Variants in TRPM3 observed in about 807,000 individuals in gnomAD.
The protein encoded by TRPM3 is transient receptor potential cation channel subfamily M member 3, also known as long transient receptor potential channel 3.
TRPM3 carries 77 observed loss-of-function variants against 181.2 expected under a neutral mutation model. The observed-to-expected ratio is 0.42, with a 90% confidence interval of 0.35 to 0.51. The LOEUF is 0.51. Among genes scored for constraint, TRPM3 ranks in the 20% least tolerant of loss-of-function variants. The pLI is 0.01. For missense variants in TRPM3, 1,759 were observed against 2,196.7 expected (o/e 0.80, Z 3.98); for synonymous variants, 745 against 796.4 (o/e 0.94, Z 1.09).
intron 1 of TRPM3, among the ~76,000 whole-genome samples, chr9:70,999,659 G>T (rs1251071872): frequency 6.6e-6 from 1 of 152,166 alleles, no homozygotes; most frequent in Non-Finnish European, 1.5e-5. Context: ...TTGGCAAGAT[G>T]GCATTTTAAG....
intron 7 of TRPM3, among the ~76,000 whole-genome samples, chr9:70,771,387 G>T (rs760691237): frequency 4.6e-5 from 7 of 152,084 alleles, no homozygotes; most frequent in African/African-American, 1.7e-4. Context: ...AGAGAATCAG[G>T]CTTCTCTTGT....
intron 1 of TRPM3, among the ~76,000 whole-genome samples, chr9:71,345,110 G>A (rs1472355090): frequency 2.0e-5 from 3 of 152,154 alleles, no homozygotes; most frequent in Non-Finnish European, 2.9e-5. Context: ...GAGAGGATGT[G>A]GAGAAATAGA....
At chr9:71,291,544 C>G (rs1243346659) in intron 1 of TRPM3, among the ~76,000 whole-genome samples, 1 of 152,046 alleles carries the variant, frequency 6.6e-6, no homozygotes, top group African/African-American at 2.4e-5. Context: ...TTAGCTGAAT[C>G]AAGCTAATCA....
At chr9:70,690,646 T>C (rs553059022) in intron 8 of TRPM3, among the ~76,000 whole-genome samples, 5 of 152,296 alleles carry the variant, frequency 3.3e-5, no homozygotes, top group Admixed American at 3.3e-4. Flanking sequence ...TAGCATAATG[T>C]TTCCTGGATG....
At chr9:71,110,166 T>C (rs772562204) in intron 1 of TRPM3, among the ~76,000 whole-genome samples, 2 of 152,064 alleles carry the variant, frequency 1.3e-5, no homozygotes, top group Non-Finnish European at 2.9e-5. Flanking sequence ...TCAAGACAAA[T>C]AGGAACATCC....
rs1293597210 is a variant in TRPM3 at position 70,625,402 on chromosome 9, G to A, written c.1669-71C>T. 9 of 1,601,056 alleles carry A rather than the reference G, an allele frequency of 5.6e-6. No homozygotes were observed. Among genetic ancestry groups the A allele is most frequent in the South Asian group, 2.3e-5 (2 of 88,524 alleles). On this transcript the variant is annotated intron_variant, in intron 13 of 25. Transcript: ENST00000677713. This position sits in a 1 kb window ranked among gnomAD's most constrained non-coding sequence, Gnocchi z 4.8. The stretch of plus-strand genomic sequence containing the variant: ...TGGTTTACTAGGGATTCTACTTCAC[G>A]TATTCTGTAACTAGAGTAAAAAAAA...
intron 1 of TRPM3, among the ~76,000 whole-genome samples, chr9:71,420,354 C>A (rs935435539): frequency 3.3e-5 from 5 of 151,862 alleles, no homozygotes; most frequent in Admixed American, 2.0e-4. Flanking sequence ...AAATCCCTCC[C>A]TTCATGATAA....
At position 70,536,956 on chromosome 9, in the gene TRPM3, G is replaced by T; in HGVS notation, c.4157C>A (p.Ala1386Glu). Residue 1386 changes from alanine to glutamate, a missense_variant, in exon 26 of 26, where the codon GCA (alanine) becomes GAA (glutamate). Physicochemically the swap from Ala to Glu is moderately radical, Grantham distance 107 (BLOSUM62 -1). Transcript: ENST00000677713. ...LHRATSSHSV[A>E]KEPKAPAAPA... ...GGCTGCAGGAGCTTTGGGTTCTTTT[G>T]CTACAGAGTGGGAACTAGTAGCCCG... 1 of 1,614,088 alleles carries T rather than the reference G, an allele frequency of 6.2e-7. No individual in the cohort carries two copies. The highest frequency in any genetic ancestry group is 8.5e-7 in the Non-Finnish European group (1 of 1,179,946).
intron 9 of TRPM3, among the ~76,000 whole-genome samples, chr9:70,652,787 G>T (rs968199424): frequency 6.6e-6 from 1 of 152,212 alleles, no homozygotes; most frequent in Admixed American, 6.5e-5. Context: ...AGAGGTTCAG[G>T]AAGATGATTA....
intron 1 of TRPM3, among the ~76,000 whole-genome samples, chr9:71,246,256 T>G (rs73469322): frequency 0.037 from 5,609 of 152,260 alleles, 364 homozygotes; most frequent in African/African-American, 0.13. Flanking sequence ...TAAGTGATTT[T>G]AAAAATTTTT....
intron 1 of TRPM3, among the ~76,000 whole-genome samples, chr9:71,239,524 A>C (rs2081545695): frequency 1.3e-5 from 2 of 152,148 alleles, no homozygotes; most frequent in African/African-American, 2.4e-5. Flanking sequence ...ATATTTTGAA[A>C]ATAATAAACT....
chr9:70,761,386 T>C (rs2078104752), intron 8 of TRPM3: 2 of 688,924 alleles, frequency 2.9e-6, no homozygotes, highest in South Asian at 3.4e-5. Flanking sequence ...GAAATGATGC[T>C]AAAACTCTGC....
intron 3 of TRPM3, among the ~76,000 whole-genome samples, chr9:70,853,383 G>A (rs1221010417): frequency 1.3e-5 from 2 of 152,212 alleles, no homozygotes; most frequent in Non-Finnish European, 2.9e-5. Flanking sequence ...TACATCTGGG[G>A]TAGGGCTTGG....
chr9:70,910,963 T>C (rs1249256184), intron 1 of TRPM3, among the ~76,000 whole-genome samples: 1 of 152,188 alleles, frequency 6.6e-6, no homozygotes, highest in Non-Finnish European at 1.5e-5. Context: ...TGACAGCAGC[T>C]CTCTATCAAA....
intron 1 of TRPM3, among the ~76,000 whole-genome samples, chr9:71,148,838 C>A (rs2075575268): frequency 6.6e-6 from 1 of 151,810 alleles, no homozygotes; most frequent in Non-Finnish European, 1.5e-5. Context: ...GCTAAGAAAA[C>A]AAAAATCAAA....
intron 1 of TRPM3, among the ~76,000 whole-genome samples, chr9:71,096,399 TG>T (rs1294441107): frequency 6.6e-6 from 1 of 151,212 alleles, no homozygotes; most frequent in Non-Finnish European, 1.5e-5. Context: ...ATTAGAATAA[TG>T]TGATTCTGAA....
chr9:70,766,169 T>A (rs1235799257), intron 7 of TRPM3, among the ~76,000 whole-genome samples: 2 of 152,092 alleles, frequency 1.3e-5, no homozygotes, highest in African/African-American at 4.8e-5. Context: ...TGTAGATGAG[T>A]CACAGAGTAA....
intron 1 of TRPM3, among the ~76,000 whole-genome samples, chr9:71,368,572 T>G (rs1224615951): frequency 8.8e-6 from 1 of 113,608 alleles, no homozygotes; most frequent in Non-Finnish European, 2.1e-5. Flanking sequence ...TAAAAAGTGA[T>G]CTGAAAAAAA....
rs113090222 is a variant in TRPM3, at chr9:70,822,759, TTGTGTGTGTGTGTGTGTGTG to T, written c.973+5068_973+5087del. ...ACAGTTTCAAAAACAAAGATTTGTC[TTGTGTGTGTGTGTGTGTGTG>T]TGTGTGTGTGTGTGTGTTCCCCAAA... On this transcript the variant is annotated intron_variant, in intron 6 of 25. Transcript: ENST00000677713. 4.8e-5 allele frequency among the ~76,000 whole-genome samples: 7 copies of T among 147,100 alleles called. No individual in the cohort carries two copies. In the East Asian group the frequency reaches 1.4e-3, roughly 29 times the overall value.
Sources: gnomAD v4.1 joint callset for allele counts (sites outside exome capture counted in the v4.1 genomes callset) on GRCh38, gnomAD v4.1.1 for gene constraint, Gnocchi (gnomAD v3.1) non-coding constraint, MANE v1.5 for transcripts, NCBI Gene and HGNC (gene_info 2026-07-23, HGNC 2026-07-21) for gene names.